The following MIA3 variants were observed in gnomAD, a reference collection of about 807,000 sequenced individuals.
The protein encoded by MIA3 is MIA SH3 domain ER export factor 3.
In MIA3, 90 loss-of-function variants were observed where a neutral mutation model predicts 192.4. That is an observed-to-expected ratio of 0.47 (90% CI 0.39 to 0.56). MIA3 has a LOEUF of 0.56. MIA3 is among the 20% of genes least tolerant of loss of function. The probability of loss-of-function intolerance (pLI) is 0.00; values close to 1 mark genes in which losing one functional copy is unlikely to be tolerated. For missense variants in MIA3, 2,123 were observed against 2,269.4 expected (o/e 0.94, Z 1.31); for synonymous variants, 740 against 792.8 (o/e 0.93, Z 1.12).
chr1:222,618,247 A>C lies in MIA3; in HGVS notation c.133+4A>C. Reference sequence around the variant, plus strand: ...TGCGCGGACGACGAATGCAGCAGTGAGTGCGCTGGAGGGGCGGCTGGCCTC... The same window carrying C: ...TGCGCGGACGACGAATGCAGCAGTGCGTGCGCTGGAGGGGCGGCTGGCCTC... On this transcript the variant is annotated splice_donor_region_variant and intron_variant, in intron 1 of 27. Coordinates refer to ENST00000344922, the MANE Select transcript of MIA3 (RefSeq NM_198551.4). 6.9e-7 allele frequency: 1 copy of C among 1,440,744 alleles called. No homozygotes were observed. Among genetic ancestry groups the C allele is most frequent in the Non-Finnish European group, 9.2e-7 (1 of 1,085,452 alleles). The allele number at this position is 1,440,744 out of a possible 1,614,324, so 89.2% of individuals were successfully genotyped here. A position where few individuals can be genotyped will look rare whatever the true frequency, so the allele number is the denominator to read the frequency against.
chr1:222,650,031 G>A (rs1459173371), intron 8 of MIA3, among the ~76,000 whole-genome samples: 1 of 152,142 alleles, frequency 6.6e-6, no homozygotes, highest in Non-Finnish European at 1.5e-5. Context: ...CAGGGATGGT[G>A]ATAAACCACT....
intron 6 of MIA3, among the ~76,000 whole-genome samples, chr1:222,643,319 A>T (rs1447922210): frequency 6.6e-6 from 1 of 152,212 alleles, no homozygotes; most frequent in Non-Finnish European, 1.5e-5. Context: ...GCTGTATCGC[A>T]AATTTCCAGT....
chr1:222,663,932 C>G, intron 26 of MIA3, 66 bp from the exon 27 acceptor site: 1 of 1,444,332 alleles, frequency 6.9e-7, no homozygotes, highest in East Asian at 2.3e-5. Flanking sequence ...TTAGTTTTTA[C>G]TGGTGTTGGT....
chr1:222,645,543 C>G lies in MIA3; in HGVS notation c.3478-11C>G. On this transcript the variant is annotated splice_polypyrimidine_tract_variant and intron_variant, in intron 6 of 27. Coordinates refer to ENST00000344922, the MANE Select transcript of MIA3 (RefSeq NM_198551.4). ...TTTCTCATTATTTCTAACATTATTT[C>G]TAACATTCAGCTAGTTGCTACATTG... 6.3e-7 allele frequency: 1 copy of G among 1,591,798 alleles called. No homozygotes were observed. The highest frequency in any genetic ancestry group is 8.6e-7 in the Non-Finnish European group (1 of 1,167,708).
chr1:222,650,150 T>A (rs1663347998), intron 8 of MIA3, 142 bp from the exon 9 acceptor site: 1 of 679,266 alleles, frequency 1.5e-6, no homozygotes, highest in Non-Finnish European at 2.7e-6. Context: ...CCAAACCATA[T>A]CACTTTTTAA....
intron 18 of MIA3, among the ~76,000 whole-genome samples, chr1:222,657,754 C>T (rs1041219124): frequency 2.0e-5 from 3 of 152,230 alleles, no homozygotes. Context: ...TTACCATAGC[C>T]ATACCTTTAT....
Position 222,664,051 on chromosome 1 carries a change from C to T in MIA3, c.5316C>T (p.Ser1772=), listed in dbSNP as rs1375736507. Residue 1772 remains serine, a synonymous_variant, in exon 27 of 28, where the codon AGC becomes AGT. Coordinates refer to ENST00000344922, the MANE Select transcript of MIA3 (RefSeq NM_198551.4). ...PPPFPGVPLM[S]TPMGGPVPPP... ...CTTTCCCAGGAGTCCCTCTCATGAGCACCCCCATGGGAGGCCCTGTACCAC... is the reference window on the plus strand; with the variant it reads ...CTTTCCCAGGAGTCCCTCTCATGAGTACCCCCATGGGAGGCCCTGTACCAC... 3.7e-6 allele frequency: 6 copies of T among 1,613,624 alleles called. No homozygotes were observed. The highest frequency in any genetic ancestry group is 1.7e-5 in the Admixed American group (1 of 60,006).
intron 18 of MIA3, among the ~76,000 whole-genome samples, chr1:222,656,551 G>A (rs1663741846): frequency 1.3e-5 from 2 of 151,792 alleles, no homozygotes; most frequent in South Asian, 2.1e-4. Flanking sequence ...TTCTTGGGAG[G>A]TGCCTACATG....
At chr1:222,622,072 G>A (rs1404169170) in intron 2 of MIA3, among the ~76,000 whole-genome samples, 1 of 152,068 alleles carries the variant, frequency 6.6e-6, no homozygotes, top group East Asian at 1.9e-4. Context: ...CCAAAGTGCT[G>A]GGATTACAGG....
chr1:222,650,987 C>CTG (rs1416795438), intron 11 of MIA3, 84 bp downstream of exon 11: 4 of 800,438 alleles, frequency 5.0e-6, no homozygotes, highest in Non-Finnish European at 8.1e-6. Flanking sequence ...ATTTTCCATG[C>CTG]TGTTATGTGA....
rs747620034 is a variant in MIA3 at position 222,651,980 on chromosome 1, T to G, written c.3913T>G (p.Ser1305Ala). The G allele has an allele frequency of 1.3e-6, 2 of 1,540,878 alleles. No individual in the cohort carries two copies. The highest frequency in any genetic ancestry group is 2.2e-5 in the South Asian group (2 of 89,488). Residue 1305 changes from serine to alanine, a missense_variant, in exon 12 of 28, where the codon TCA becomes GCA. This residue lies in a region of MIA3 where 762 missense variants were observed against 856.4 expected (regional missense o/e 0.89). Coordinates refer to ENST00000344922, the MANE Select transcript of MIA3 (RefSeq NM_198551.4). ...EQNVKNQDLI[S>A]ENKKSIEKLK... ...GTGTTCTGTTTTTACATGGCAGATA[T>G]CAGAAAACAAGAAATCTATAGAGAA...
chr1:222,643,515 T>G lies in MIA3; in HGVS notation c.3478-2039T>G, dbSNP rs920226051. 3.3e-5 allele frequency among the ~76,000 whole-genome samples: 5 copies of G among 152,032 alleles called. No individual in the cohort carries two copies. The South Asian group carries it at 1.0e-3, about 31-fold the overall frequency. ...CCTCTGAGTTGACTTTATATTCAAC[T>G]CGAAGAGAGACCTTTAAAGGTCTAA... On this transcript the variant is annotated intron_variant, in intron 6 of 27. Transcript: ENST00000344922.
chr1:222,629,435 G>A lies in MIA3; in HGVS notation c.2215G>A (p.Ala739Thr), dbSNP rs376386576. Residue 739 changes from alanine to threonine, a missense_variant, in exon 4 of 28, where the codon GCA (alanine) becomes ACA (threonine). This residue lies in a region of MIA3 where 1,357 missense variants were observed against 1,396.1 expected (regional missense o/e 0.97). Coordinates refer to ENST00000344922, the MANE Select transcript of MIA3 (RefSeq NM_198551.4). ...ELLEDENAIN[A>T]KRSKEKNPGN... ...ACTAGAGGATGAAAACGCTATAAAT[G>A]CAAAACGGTCTAAAGAAAAAAACCC... 125 of 1,614,024 alleles carry A rather than the reference G, an allele frequency of 7.7e-5. No individual in the cohort carries two copies. Among genetic ancestry groups the A allele is most frequent in the Non-Finnish European group, 9.8e-5 (116 of 1,180,044 alleles).
Position 222,650,654 on chromosome 1 carries a change from T to C in MIA3, c.3741T>C (p.His1247=), listed in dbSNP as rs199898069. Reference sequence around the variant, plus strand: ...TATAGATCAAGGAATCAAAGAAACATGTTCAGGAAACCAGGAAACAAAATA... The same window carrying C: ...TATAGATCAAGGAATCAAAGAAACACGTTCAGGAAACCAGGAAACAAAATA... ...YEQKIKESKK[H]VQETRKQNMI... The change falls in exon 10 of 28, where the codon CAT becomes CAC. Residue 1247 remains histidine (H), a synonymous_variant. Coordinates refer to ENST00000344922, the MANE Select transcript of MIA3 (RefSeq NM_198551.4). The C allele has an allele frequency of 2.5e-6, 4 of 1,594,390 alleles. No homozygotes were observed. Among genetic ancestry groups the C allele is most frequent in the Non-Finnish European group, 3.4e-6 (4 of 1,167,948 alleles).
At chr1:222,653,464 G>A (rs1571899923) in intron 15 of MIA3, 125 bp downstream of exon 15, 1 of 654,856 alleles carries the variant, frequency 1.5e-6, no homozygotes, top group Non-Finnish European at 2.7e-6. Flanking sequence ...GGATTTGAAT[G>A]TGTGTCTGTT....
chr1:222,637,161 T>C (rs1023357421), intron 6 of MIA3, among the ~76,000 whole-genome samples: 1 of 152,234 alleles, frequency 6.6e-6, no homozygotes, highest in Non-Finnish European at 1.5e-5. Flanking sequence ...GTGCATTCAT[T>C]GAAGAAACAG....
In MIA3 at chr1:222,627,571, A is replaced by C. The variant is rs17530776; in HGVS notation, c.355-4A>C. On this transcript the variant is annotated splice_region_variant and splice_polypyrimidine_tract_variant and intron_variant, in intron 3 of 27. Coordinates refer to ENST00000344922, the MANE Select transcript of MIA3 (RefSeq NM_198551.4). ...ACAGACTAATGTTTTTCTTTTTCTT[A>C]CAGGAGACGGATTTTGTTTGTTTTG... is the stretch of plus-strand genomic sequence containing the variant. The C allele has an allele frequency of 7.0e-6, 11 of 1,564,568 alleles. No homozygotes were observed. Among genetic ancestry groups the C allele is most frequent in the African/African-American group, 2.8e-5 (2 of 72,282 alleles).
chr1:222,661,547 CA>C (rs1317220164), intron 24 of MIA3: 2 of 154,452 alleles, frequency 1.3e-5, no homozygotes, highest in Non-Finnish European at 2.9e-5. Flanking sequence ...TTTGGGGAGT[CA>C]AAAGTTACAC....
At chr1:222,664,224 T>TGCAAAGCCCC in intron 27 of MIA3, 76 bp downstream of exon 27, 2 of 1,502,886 alleles carry the variant, frequency 1.3e-6, no homozygotes, top group Non-Finnish European at 9.2e-7. Context: ...CTAAAACAAC[T>TGCAAAGCCCC]GCAATTGCGG....
Sources: gnomAD v4.1 joint callset for allele counts (sites outside exome capture counted in the v4.1 genomes callset) on GRCh38, gnomAD v4.1.1 for gene constraint, gnomAD v4.1.1 regional missense constraint, MANE v1.5 for transcripts, NCBI Gene and HGNC (gene_info 2026-07-23, HGNC 2026-07-21) for gene names.